Variants in UGT2B17 observed in about 807,000 individuals in gnomAD.
The protein encoded by UGT2B17 is UDP-glucuronosyltransferase 2B17.
In UGT2B17, 21 loss-of-function variants were observed where a neutral mutation model predicts 48.2. The observed-to-expected ratio is 0.44, with a 90% CI of 0.31 to 0.63. The LOEUF (loss-of-function observed/expected upper bound fraction) is 0.63. Ranked by LOEUF, UGT2B17 falls within the 20% of genes least tolerant of loss-of-function variation. UGT2B17 has a pLI of 0.08. For synonymous variants in UGT2B17, 146 were observed against 238.4 expected, an observed-to-expected ratio of 0.61 and a Z score of 3.57; for missense variants, 402 against 696.1, an observed-to-expected ratio of 0.58 and a Z score of 4.75.
rs577055504 is a variant in UGT2B17, at chr4:68,542,205, G to A, written c.1314-4301C>T. Among the ~76,000 whole-genome samples, 19 of 126,156 alleles carry A rather than the reference G, an allele frequency of 1.5e-4. 7 individuals are homozygous for A. The East Asian group carries it at 0.011, about 76-fold the overall frequency. The allele number at this position is 126,156 out of a possible 152,430, so 82.8% of individuals were successfully genotyped here. A position where few individuals can be genotyped will look rare whatever the true frequency, so the allele number is the denominator to read the frequency against. The stretch of plus-strand genomic sequence containing the variant: ...AGATGTGTAATGTTATTTCTGAGGC[G>A]TATGTTCTGTTCCATTGGTCAATAC... On this transcript the variant is annotated intron_variant, in intron 6 of 6. Transcript: ENST00000317746.
chr4:68,570,085 G>A (rs1731275448), intron 1 of UGT2B17, among the ~76,000 whole-genome samples: 1 of 126,616 alleles, frequency 7.9e-6, no homozygotes, highest in Admixed American at 8.1e-5. Flanking sequence ...GTAGCAGGAT[G>A]AGCCACAGAC....
At chr4:68,574,616 C>A (rs1731341682) in intron 1 of UGT2B17, among the ~76,000 whole-genome samples, 1 of 126,360 alleles carries the variant, frequency 7.9e-6, no homozygotes, top group Non-Finnish European at 1.7e-5. Context: ...AACAATAATT[C>A]TTTTTTGACT....
chr4:68,563,026 T>A (rs1299697901), intron 3 of UGT2B17, among the ~76,000 whole-genome samples: 4 of 125,922 alleles, frequency 3.2e-5, no homozygotes, highest in Admixed American at 1.6e-4. Flanking sequence ...ATTTCCAGAG[T>A]TTTTTAACGA....
chr4:68,565,516 T>C (rs532801792), intron 3 of UGT2B17, 56 bp downstream of exon 3: 2 of 1,276,164 alleles, frequency 1.6e-6, no homozygotes, highest in Non-Finnish European at 2.0e-6. Flanking sequence ...AAGAAACATA[T>C]CCAGCCATTC....
At chr4:68,539,848 G>C (rs1377687155) in intron 6 of UGT2B17, among the ~76,000 whole-genome samples, 1 of 110,070 alleles carries the variant, frequency 9.1e-6, no homozygotes, top group Non-Finnish European at 1.8e-5. Context: ...ATGACGGAGC[G>C]ATCTTGGCTG....
Position 68,575,768 on chromosome 4 carries a change from C to T in UGT2B17, c.-65+183G>A, listed in dbSNP as rs1443745240. ...GATCAAAAGTGCCAATACAGGCACA[C>T]CGTGGGTGATCAGGCTATGCTACAC... On this transcript the variant is annotated intron_variant, in intron 1 of 6. Transcript: ENST00000317746. 2.4e-5 allele frequency among the ~76,000 whole-genome samples: 3 copies of T among 126,362 alleles called. 1 individual carries two copies. The highest frequency in any genetic ancestry group is 8.2e-5 in the African/African-American group (3 of 36,768). The allele number at this position is 126,362 out of a possible 152,430, so 82.9% of individuals were successfully genotyped here.
chr4:68,557,466 T>C (rs532970341), intron 4 of UGT2B17, among the ~76,000 whole-genome samples: 1 of 125,000 alleles, frequency 8.0e-6, no homozygotes, highest in African/African-American at 2.7e-5. Flanking sequence ...ACTGAAATAA[T>C]AGAAAACTAA....
chr4:68,549,462 A>G lies in UGT2B17; in HGVS notation c.1313+1215T>C, dbSNP rs1014899961. Among the ~76,000 whole-genome samples, 2 of 125,606 alleles carry G rather than the reference A, an allele frequency of 1.6e-5. 1 individual carries two copies. Among genetic ancestry groups the G allele is most frequent in the Non-Finnish European group, 3.4e-5 (2 of 59,416 alleles). 82.4% of individuals were successfully genotyped at this position (125,606 alleles called of 152,430 possible). On this transcript the variant is annotated intron_variant, in intron 6 of 6. Coordinates refer to ENST00000317746, the MANE Select transcript of UGT2B17 (RefSeq NM_001077.4). ...AATTCTTATGAATCCATAATAAGGT[A>G]AATAGAAAAATGACAAAATGTTCAC...
In UGT2B17 at chr4:68,576,051, T is replaced by G. The variant is rs1731368967; in HGVS notation, c.-165A>C. ...CCTGCTACGTGTTGATCTGGTGAGG[T>G]GTTCCACTGGGGCAATTTCCTACCC... On this transcript the variant is annotated 5_prime_UTR_variant, in exon 1 of 7. Coordinates refer to ENST00000317746, the MANE Select transcript of UGT2B17 (RefSeq NM_001077.4). 1.6e-5 allele frequency among the ~76,000 whole-genome samples: 2 copies of G among 124,726 alleles called. 1 individual carries two copies. The highest frequency in any genetic ancestry group is 7.3e-4 in the South Asian group (2 of 2,750). 81.8% of individuals were successfully genotyped at this position (124,726 alleles called of 152,430 possible). A position where few individuals can be genotyped will look rare whatever the true frequency, so the allele number is the denominator to read the frequency against.
intron 6 of UGT2B17, among the ~76,000 whole-genome samples, chr4:68,546,118 GA>G (rs1264232498): frequency 1.6e-5 from 2 of 123,672 alleles, no homozygotes; most frequent in African/African-American, 5.5e-5. Context: ...AGGGACACAA[GA>G]AAAAAAAGAG....
intron 1 of UGT2B17, among the ~76,000 whole-genome samples, chr4:68,574,177 T>C (rs1346744734): frequency 1.6e-5 from 2 of 127,442 alleles, no homozygotes; most frequent in Admixed American, 1.6e-4. Context: ...TTTTAAGTCT[T>C]TAACTTTTAT....
Position 68,568,242 on chromosome 4 carries a change from T to TA in UGT2B17, c.242dup (p.Leu81PhefsTer3), listed in dbSNP as rs1389148512. The TA allele has an allele frequency of 1.5e-6, 2 of 1,375,372 alleles. 1 individual carries two copies. The highest frequency in any genetic ancestry group is 1.9e-6 in the Non-Finnish European group (2 of 1,053,730). 85.2% of individuals were successfully genotyped at this position (1,375,372 alleles called of 1,614,324 possible). On this transcript the variant is annotated frameshift_variant, in exon 2 of 7. Coordinates refer to ENST00000317746, the MANE Select transcript of UGT2B17 (RefSeq NM_001077.4). LOFTEE classifies it high-confidence loss of function. Reference sequence around the variant, plus strand: ...AAAAATCTTCCAAATCATTTTTAGTTAAAGATGTAGGATAAACTTCTAATT... The same window carrying TA: ...AAAAATCTTCCAAATCATTTTTAGTTAAAAGATGTAGGATAAACTTCTAATT...
intron 3 of UGT2B17, among the ~76,000 whole-genome samples, chr4:68,565,025 G>A (rs114719218): frequency 0.044 from 5,574 of 125,332 alleles, 1,242 homozygotes; most frequent in African/African-American, 0.14. Context: ...TTCTTTTTGG[G>A]TCTTTCTCAT....
Position 68,537,762 on chromosome 4 carries a change from A to G in UGT2B17, c.1456T>C (p.Trp486Arg). ...HLRVAAHNLT[W>R]IQYHSLDVIA... Reference sequence around the variant, plus strand: ...ACATCCAAAGAGTGGTACTGGATCCAGGTGAGGTTGTGGGCTGCGACCCGA... The same window carrying G: ...ACATCCAAAGAGTGGTACTGGATCCGGGTGAGGTTGTGGGCTGCGACCCGA... The change falls in exon 7 of 7, where the codon TGG becomes CGG. Residue 486 changes from tryptophan (W) to arginine (R), a missense_variant. Physicochemically the swap from Trp to Arg is moderately radical, Grantham distance 101. This residue lies in a region of UGT2B17 where 156 missense variants were observed against 258.6 expected (regional missense o/e 0.60). Coordinates refer to ENST00000317746, the MANE Select transcript of UGT2B17 (RefSeq NM_001077.4). 7.2e-7 allele frequency: 1 copy of G among 1,379,978 alleles called. No homozygotes were observed. Among genetic ancestry groups the G allele is most frequent in the Non-Finnish European group, 9.5e-7 (1 of 1,055,100 alleles). The allele number at this position is 1,379,978 out of a possible 1,614,324, so 85.5% of individuals were successfully genotyped here. A position where few individuals can be genotyped will look rare whatever the true frequency, so the allele number is the denominator to read the frequency against.
chr4:68,547,336 A>G (rs1730833362), intron 6 of UGT2B17, among the ~76,000 whole-genome samples: 1 of 126,768 alleles, frequency 7.9e-6, no homozygotes, highest in Non-Finnish European at 1.7e-5. Flanking sequence ...AGGATTCCCT[A>G]TTTAATAAAT....
chr4:68,546,997 C>T lies in UGT2B17; in HGVS notation c.1313+3680G>A, dbSNP rs1378990451. Among the ~76,000 whole-genome samples the T allele has an allele frequency of 1.6e-5, 2 of 124,828 alleles. 1 individual carries two copies. Among genetic ancestry groups the T allele is most frequent in the East Asian group, 1.5e-3 (2 of 1,310 alleles). The allele number at this position is 124,828 out of a possible 152,430, so 81.9% of individuals were successfully genotyped here. On this transcript the variant is annotated intron_variant, in intron 6 of 6. Transcript: ENST00000317746. ...AATCAATATCGTGAAAACGGCCATA[C>T]TGCCCAAGGTAATTTATAGATCCAA...
At chr4:68,541,526 TG>T (rs1436809279) in intron 6 of UGT2B17, among the ~76,000 whole-genome samples, 1 of 126,344 alleles carries the variant, frequency 7.9e-6, no homozygotes, top group Non-Finnish European at 1.7e-5. Context: ...TTAAGTTACT[TG>T]TAGATTCTGG....
intron 4 of UGT2B17, among the ~76,000 whole-genome samples, chr4:68,556,849 T>C (rs1731010551): frequency 8.0e-6 from 1 of 125,752 alleles, no homozygotes; most frequent in African/African-American, 2.7e-5. Flanking sequence ...GTTACTACTT[T>C]AGTCAAATGA....
Position 68,562,555 on chromosome 4 carries a change from AG to A in UGT2B17, c.874-1888del, listed in dbSNP as rs375623118. On this transcript the variant is annotated intron_variant, in intron 3 of 6. Transcript: ENST00000317746. ...ATGTTTTGTCTCATTCACTGACAAA[AG>A]TCTTCTTCATCCACCAAGTATTGAA... 6.1e-4 allele frequency among the ~76,000 whole-genome samples: 77 copies of A among 126,358 alleles called. 25 individuals are homozygous for A. Among genetic ancestry groups the A allele is most frequent in the Non-Finnish European group, 6.9e-4 (41 of 59,668 alleles). 82.9% of individuals were successfully genotyped at this position (126,358 alleles called of 152,430 possible). A position where few individuals can be genotyped will look rare whatever the true frequency, so the allele number is the denominator to read the frequency against.
Sources: allele counts gnomAD v4.1 joint callset (sites outside exome capture counted in the v4.1 genomes callset), GRCh38; gene constraint gnomAD v4.1.1; regional missense constraint gnomAD v4.1.1; transcripts MANE v1.5; gene names NCBI Gene and HGNC (gene_info 2026-07-23, HGNC 2026-07-21).